Variants in CNTNAP2 observed in about 807,000 individuals in gnomAD.
CNTNAP2 encodes the protein contactin associated protein 2, also known as contactin-associated protein-like 2.
In CNTNAP2, 98 loss-of-function variants were observed where a neutral mutation model predicts 155.2. That is an observed-to-expected ratio of 0.63 (90% CI 0.54 to 0.75). CNTNAP2 has a LOEUF of 0.75. Ranked by LOEUF, CNTNAP2 falls within the 30% of genes least tolerant of loss-of-function variation. The probability of loss-of-function intolerance (pLI) is 0.00; values close to 1 mark genes in which losing one functional copy is unlikely to be tolerated. For missense variants in CNTNAP2, 1,727 were observed against 1,688.1 expected (o/e 1.02, Z -0.40); for synonymous variants, 651 against 631.2 (o/e 1.03, Z -0.47).
chr7:146,784,752 G>A (rs2129187788), intron 2 of CNTNAP2, among the ~76,000 whole-genome samples: 1 of 152,140 alleles, frequency 6.6e-6, no homozygotes, highest in East Asian at 1.9e-4. Context: ...TAATTCCTTG[G>A]TCTTGATCTT....
chr7:147,177,209 T>G (rs1172444522), intron 8 of CNTNAP2, among the ~76,000 whole-genome samples: 2 of 151,978 alleles, frequency 1.3e-5, no homozygotes, highest in Non-Finnish European at 2.9e-5. Context: ...TTTGATATGG[T>G]TTGGCTCTGT....
At chr7:147,349,410 T>C (rs2116875552) in intron 9 of CNTNAP2, among the ~76,000 whole-genome samples, 1 of 152,088 alleles carries the variant, frequency 6.6e-6, no homozygotes, top group East Asian at 1.9e-4. Context: ...ATACTTTTCA[T>C]AAGTTAAACA....
At chr7:146,576,576 A>G (rs1176782526) in intron 1 of CNTNAP2, among the ~76,000 whole-genome samples, 2 of 152,124 alleles carry the variant, frequency 1.3e-5, no homozygotes, top group South Asian at 2.1e-4. Context: ...TATGGCTCCA[A>G]TTGTGATATT....
At chr7:148,345,242 G>A (rs565383560) in intron 21 of CNTNAP2, among the ~76,000 whole-genome samples, 21 of 152,264 alleles carry the variant, frequency 1.4e-4, no homozygotes, top group African/African-American at 5.1e-4. Context: ...GGGTCCTGGG[G>A]GGCAGACTTT....
rs912597620 is a variant in CNTNAP2, at chr7:147,884,630, T to C, written c.2099-18935T>C. 2.0e-5 allele frequency among the ~76,000 whole-genome samples: 3 copies of C among 152,210 alleles called. No homozygotes were observed. In the South Asian group the frequency reaches 6.2e-4, roughly 31 times the overall value. ...CAAGGAAAAATGTATTCTGTGTCTT[T>C]CCTGCTGTTGTCAGGAAAAAAAGAA... On this transcript the variant is annotated intron_variant, in intron 13 of 23. Transcript: ENST00000361727.
At chr7:147,907,119 T>C (rs1026611938) in intron 14 of CNTNAP2, among the ~76,000 whole-genome samples, 21 of 152,050 alleles carry the variant, frequency 1.4e-4, no homozygotes, top group Non-Finnish European at 2.6e-4. Flanking sequence ...TGCAGTGGCA[T>C]GATCTCAGCT....
At chr7:147,512,954 A>C (rs1480327817) in intron 11 of CNTNAP2, among the ~76,000 whole-genome samples, 1 of 152,198 alleles carries the variant, frequency 6.6e-6, no homozygotes, top group Non-Finnish European at 1.5e-5. Flanking sequence ...AGAAAACATA[A>C]GAAACCTACT....
intron 1 of CNTNAP2, among the ~76,000 whole-genome samples, chr7:146,300,169 A>G (rs191528279): frequency 5.2e-4 from 79 of 152,344 alleles, no homozygotes; most frequent in Middle Eastern, 3.4e-3. Context: ...CTCTAAGTCT[A>G]TAAGAACAAA....
At chr7:148,150,287 G>A (rs906645616) in intron 17 of CNTNAP2, among the ~76,000 whole-genome samples, 1 of 151,952 alleles carries the variant, frequency 6.6e-6, no homozygotes, top group Non-Finnish European at 1.5e-5. Context: ...AGTGGCTCAC[G>A]CCCGTAATCC....
At chr7:147,907,373 T>A (rs368954659) in intron 14 of CNTNAP2, among the ~76,000 whole-genome samples, 1 of 152,176 alleles carries the variant, frequency 6.6e-6, no homozygotes, top group Non-Finnish European at 1.5e-5. Flanking sequence ...TTTTTTATAA[T>A]AAATAGCTCT....
At chr7:147,628,641 C>T (rs182211907) in intron 12 of CNTNAP2, among the ~76,000 whole-genome samples, 54 of 152,102 alleles carry the variant, frequency 3.6e-4, no homozygotes, top group Admixed American at 3.9e-4. Context: ...TAATGTTGAA[C>T]GTAAATGGCC....
intron 9 of CNTNAP2, among the ~76,000 whole-genome samples, chr7:147,376,841 T>C (rs1478355187): frequency 6.6e-6 from 1 of 152,002 alleles, no homozygotes; most frequent in Non-Finnish European, 1.5e-5. Flanking sequence ...GTAACACTAC[T>C]GTATATTACA....
intron 1 of CNTNAP2, among the ~76,000 whole-genome samples, chr7:146,606,861 A>C (rs905111106): frequency 2.0e-5 from 3 of 152,172 alleles, no homozygotes; most frequent in Non-Finnish European, 4.4e-5. Context: ...CCCTGATGTC[A>C]AGGAGCTGTC....
chr7:148,320,078 A>G (rs556938013), intron 21 of CNTNAP2, among the ~76,000 whole-genome samples: 33 of 152,188 alleles, frequency 2.2e-4, no homozygotes, highest in African/African-American at 7.9e-4. Flanking sequence ...AGGGAACCAC[A>G]TTGCCTTAAT....
chr7:146,353,164 G>A (rs2129099214), intron 1 of CNTNAP2, among the ~76,000 whole-genome samples: 1 of 152,198 alleles, frequency 6.6e-6, no homozygotes, highest in African/African-American at 2.4e-5. Flanking sequence ...ACTCTGATTA[G>A]GCTTTCGTCT....
At chr7:147,880,395 T>C (rs1381158291) in intron 13 of CNTNAP2, among the ~76,000 whole-genome samples, 2 of 152,160 alleles carry the variant, frequency 1.3e-5, no homozygotes, top group African/African-American at 4.8e-5. Flanking sequence ...TGCATTTGAA[T>C]TGGGCTTGAG....
intron 12 of CNTNAP2, among the ~76,000 whole-genome samples, chr7:147,613,531 A>G (rs1801225855): frequency 6.6e-6 from 1 of 152,072 alleles, no homozygotes; most frequent in African/African-American, 2.4e-5. Flanking sequence ...CTTTTCTTAC[A>G]CTTTCTTTAA....
intron 13 of CNTNAP2, among the ~76,000 whole-genome samples, chr7:147,659,937 A>G (rs1218898424): frequency 2.6e-5 from 4 of 152,352 alleles, no homozygotes; most frequent in Admixed American, 2.6e-4. Flanking sequence ...GCAAATATTC[A>G]TAATAATTTC....
At chr7:147,348,184 ATCT>A (rs1364518615) in intron 9 of CNTNAP2, among the ~76,000 whole-genome samples, 4 of 152,066 alleles carry the variant, frequency 2.6e-5, no homozygotes, top group African/African-American at 9.7e-5. Context: ...CACAGCACAA[ATCT>A]TCTGCACAAC....
Sources: allele counts gnomAD v4.1 joint callset (sites outside exome capture counted in the v4.1 genomes callset), GRCh38; gene constraint gnomAD v4.1.1; transcripts MANE v1.5; gene names NCBI Gene and HGNC (gene_info 2026-07-23, HGNC 2026-07-21).